The following FREM2 variants were observed in gnomAD, a reference collection of about 807,000 sequenced individuals.
FREM2 encodes the protein FRAS1-related extracellular matrix protein 2.
Under a neutral mutation model 219.9 loss-of-function variants are expected in FREM2, and 119 were observed. That is an observed-to-expected ratio of 0.54 (90% CI 0.47 to 0.63). The LOEUF (loss-of-function observed/expected upper bound fraction) is 0.63, where lower values mean the gene tolerates loss of function less well. Among genes scored for constraint, FREM2 ranks in the 30% least tolerant of loss-of-function variants. The pLI, the probability that FREM2 is intolerant of heterozygous loss-of-function variation, is 0.00. For missense variants in FREM2, 4,030 were observed against 3,993.6 expected, an observed-to-expected ratio of 1.01 and a Z score of -0.25; for synonymous variants, 1,562 against 1,522.8, an observed-to-expected ratio of 1.03 and a Z score of -0.60.
rs1303517212 is a variant in FREM2 at position 38,880,623 on chromosome 13, G to A, written c.9346G>A (p.Gly3116Arg). The A allele has an allele frequency of 1.2e-6, 2 of 1,613,814 alleles. No homozygotes were observed. Among genetic ancestry groups the A allele is most frequent in the South Asian group, 2.2e-5 (2 of 91,072 alleles). ...SSAVSLVTVV[G>R]GTTVGLLTIC... Reference sequence around the variant, plus strand: ...TGCAGTCAGCCTGGTCACTGTGGTGGGAGGCACCACGGTAGGGTTACTCAC... The same window carrying A: ...TGCAGTCAGCCTGGTCACTGTGGTGAGAGGCACCACGGTAGGGTTACTCAC... Residue 3116 changes from glycine (G) to arginine (R), a missense_variant, in exon 24 of 24, where the codon GGA becomes AGA. Physicochemically the swap from Gly to Arg is moderately radical, Grantham distance 125. Coordinates refer to ENST00000280481, the MANE Select transcript of FREM2 (RefSeq NM_207361.6).
At position 38,850,292 on chromosome 13, in the gene FREM2, G is replaced by A. The variant is rs370034032; in HGVS notation, c.6577+57G>A. On this transcript the variant is annotated intron_variant, in intron 9 of 23. Coordinates refer to ENST00000280481, the MANE Select transcript of FREM2 (RefSeq NM_207361.6). ...TTTGAAGAAGCCGAATTTTTACTCA[G>A]AAATATATATCAGGGAAATACAAGT... The A allele has an allele frequency of 2.8e-4, 383 of 1,360,094 alleles. No individual in the cohort carries two copies. In the African/African-American group the frequency reaches 4.4e-3, roughly 16 times the overall value. 84.3% of individuals were successfully genotyped at this position (1,360,094 alleles called of 1,614,324 possible).
chr13:38,745,439 C>A (rs752204723), intron 2 of FREM2, among the ~76,000 whole-genome samples: 1 of 152,074 alleles, frequency 6.6e-6, no homozygotes, highest in South Asian at 2.1e-4. Flanking sequence ...TCATCGTATA[C>A]CTCTTTATTT....
chr13:38,805,690 A>G (rs1875198131), intron 6 of FREM2, among the ~76,000 whole-genome samples: 1 of 151,952 alleles, frequency 6.6e-6, no homozygotes, highest in Admixed American at 6.6e-5. Context: ...TAAATTGAGT[A>G]TGTGAAGTGG....
chr13:38,792,782 A>C (rs1453368270), intron 6 of FREM2, among the ~76,000 whole-genome samples: 1 of 152,016 alleles, frequency 6.6e-6, no homozygotes, highest in Non-Finnish European at 1.5e-5. Flanking sequence ...ATTTTTTTTT[A>C]ATCATTCGAT....
chr13:38,780,382 T>C (rs1244292432), intron 4 of FREM2, among the ~76,000 whole-genome samples: 1 of 152,152 alleles, frequency 6.6e-6, no homozygotes, highest in Non-Finnish European at 1.5e-5. Flanking sequence ...ACCTTTATAT[T>C]CCGGCATGCA....
Position 38,716,221 on chromosome 13 carries a change from G to C in FREM2, c.5263+18434G>C, listed in dbSNP as rs569598597. On this transcript the variant is annotated intron_variant, in intron 2 of 23. Coordinates refer to ENST00000280481, the MANE Select transcript of FREM2 (RefSeq NM_207361.6). ...CACCCATGACAAAGACCTTTACAGA[G>C]GTCTACTACCTTTTCTTCACTGCTG... Among the ~76,000 whole-genome samples the C allele has an allele frequency of 1.2e-4, 19 of 152,208 alleles. No homozygotes were observed. The South Asian group carries it at 2.1e-3, about 17-fold the overall frequency.
rs1290518420 is a variant in FREM2 at position 38,839,335 on chromosome 13, C to T, written c.6020-7238C>T. 3.3e-5 allele frequency among the ~76,000 whole-genome samples: 5 copies of T among 152,358 alleles called. No individual in the cohort carries two copies. In the South Asian group the frequency reaches 8.3e-4, roughly 25 times the overall value. On this transcript the variant is annotated intron_variant, in intron 6 of 23. Transcript: ENST00000280481. ...TGCTGCCTGCTCCTTCCTCTGGAAGCTTCATCCCAGAGGGGCACCCGCCAC... is the reference window on the plus strand; with the variant it reads ...TGCTGCCTGCTCCTTCCTCTGGAAGTTTCATCCCAGAGGGGCACCCGCCAC...
intron 2 of FREM2, 152 bp from the exon 3 acceptor site, chr13:38,764,152 G>A: frequency 1.6e-6 from 1 of 634,278 alleles, no homozygotes; most frequent in East Asian, 2.7e-5. Flanking sequence ...TAGACTGTAA[G>A]CTGTATCTCC....
chr13:38,850,140 C>T lies in FREM2; in HGVS notation c.6482C>T (p.Ser2161Leu). 1 of 1,613,994 alleles carries T rather than the reference C, an allele frequency of 6.2e-7. No homozygotes were observed. Among genetic ancestry groups the T allele is most frequent in the Non-Finnish European group, 8.5e-7 (1 of 1,179,874 alleles). Residue 2161 changes from serine (S) to leucine (L), a missense_variant, in exon 9 of 24, where the codon TCA becomes TTA. Around this residue, in one of 2 missense-constraint regions of FREM2, gnomAD observed 3,102 missense variants for 2,950.7 expected, o/e 1.05. Coordinates refer to ENST00000280481, the MANE Select transcript of FREM2 (RefSeq NM_207361.6). ...ACTGGGGATGTCCAGTACAGATCTTCAGTGAGATGCTACACCCGGCAGGGG... is the reference window on the plus strand; with the variant it reads ...ACTGGGGATGTCCAGTACAGATCTTTAGTGAGATGCTACACCCGGCAGGGG... ...HRTGDVQYRS[S>L]VRCYTRQGSA...
At position 38,886,005 on chromosome 13, in the gene FREM2, C is replaced by T. The variant is rs535927607; in HGVS notation, c.*5218C>T. The T allele has an allele frequency of 3.3e-5, 5 of 152,194 alleles. No homozygotes were observed. The highest frequency in any genetic ancestry group is 3.3e-4 in the Admixed American group (5 of 15,284). The allele number at this position is 152,194 out of a possible 1,614,324, so 9.4% of individuals were successfully genotyped here. On this transcript the variant is annotated 3_prime_UTR_variant, in exon 24 of 24. Coordinates refer to ENST00000280481, the MANE Select transcript of FREM2 (RefSeq NM_207361.6). The stretch of plus-strand genomic sequence containing the variant: ...GTTCTTTTACTATGCCAAATGTTGC[C>T]TACACTGATTACATGATTGTCACAG...
rs773732247 is a variant in FREM2 at position 38,690,249 on chromosome 13, A to C, written c.2905A>C (p.Ile969Leu). 1 of 1,614,208 alleles carries C rather than the reference A, an allele frequency of 6.2e-7. No homozygotes were observed. Among genetic ancestry groups the C allele is most frequent in the Admixed American group, 1.7e-5 (1 of 60,028 alleles). ...NGATEITANV[I>L]KGTNEETDDL... ...GGCTACTGAAATCACTGCCAATGTT[A>C]TTAAGGGGACCAATGAGGAAACTGA... Residue 969 changes from isoleucine to leucine, a missense_variant, in exon 1 of 24, where the codon ATT becomes CTT. Around this residue, in one of 2 missense-constraint regions of FREM2, gnomAD observed 3,102 missense variants for 2,950.7 expected, o/e 1.05. Transcript: ENST00000280481.
intron 6 of FREM2, among the ~76,000 whole-genome samples, chr13:38,828,185 G>A (rs1039457840): frequency 3.9e-5 from 6 of 151,998 alleles, no homozygotes; most frequent in Admixed American, 2.0e-4. Context: ...TCAATTATTG[G>A]TTATTGATCT....
chr13:38,751,749 T>A (rs551771547), intron 2 of FREM2, among the ~76,000 whole-genome samples: 2 of 152,174 alleles, frequency 1.3e-5, no homozygotes, highest in Non-Finnish European at 2.9e-5. Flanking sequence ...TATGTGCTTT[T>A]CATGGACCTC....
At chr13:38,771,004 G>A (rs987152283) in intron 4 of FREM2, among the ~76,000 whole-genome samples, 5 of 152,178 alleles carry the variant, frequency 3.3e-5, no homozygotes, top group Admixed American at 1.3e-4. Context: ...ACTTTATTTT[G>A]TCAGTCAGAA....
intron 6 of FREM2, among the ~76,000 whole-genome samples, chr13:38,789,854 T>C (rs760684978): frequency 6.6e-6 from 1 of 151,416 alleles, no homozygotes; most frequent in Non-Finnish European, 1.5e-5. Context: ...TTGTTGCAGT[T>C]TTATTATTGA....
Position 38,880,278 on chromosome 13 carries a change from T to C in FREM2, c.9007-6T>C, listed in dbSNP as rs1469164220. The C allele has an allele frequency of 1.2e-6, 2 of 1,613,260 alleles. No individual in the cohort carries two copies. Among genetic ancestry groups the C allele is most frequent in the Non-Finnish European group, 1.7e-6 (2 of 1,179,832 alleles). On this transcript the variant is annotated splice_region_variant and splice_polypyrimidine_tract_variant and intron_variant, in intron 23 of 23. Coordinates refer to ENST00000280481, the MANE Select transcript of FREM2 (RefSeq NM_207361.6). Reference sequence around the variant, plus strand: ...ATTTCCTAATAAATAGAGTTGTGCTTTCTAGGTCGCTCTAGGCCGAGAATG... The same window carrying C: ...ATTTCCTAATAAATAGAGTTGTGCTCTCTAGGTCGCTCTAGGCCGAGAATG...
chr13:38,731,923 C>G (rs1381301337), intron 2 of FREM2, among the ~76,000 whole-genome samples: 1 of 152,140 alleles, frequency 6.6e-6, no homozygotes, highest in East Asian at 1.9e-4. Context: ...GAAAAGAAAT[C>G]CCATGAATGA....
chr13:38,690,033 CAG>C lies in FREM2; in HGVS notation c.2690_2691del (p.Gln897ArgfsTer8), dbSNP rs1320742111. 1.2e-6 allele frequency: 2 copies of C among 1,613,818 alleles called. No individual in the cohort carries two copies. On this transcript the variant is annotated frameshift_variant, in exon 1 of 24. Transcript: ENST00000280481. LOFTEE classifies it high-confidence loss of function. ...TCTCTTCCACTTGGAGGACATAAAA[CAG>C]GGCCGAGTTTCCTATGCCCATAATG... ...GGLFHLEDIKQGRVSYAHNGD... is the reference protein window; with the variant it reads ...GGLFHLEDIKXGRVSYAHNGD...
At position 38,884,035 on chromosome 13, in the gene FREM2, A is replaced by G. The variant is rs1396244191; in HGVS notation, c.*3248A>G. ...TCCAAGAATAACACTTAGCACATAA[A>G]CTCTTCTTCCAGCTCGTTAGCAGCA... On this transcript the variant is annotated 3_prime_UTR_variant, in exon 24 of 24. Coordinates refer to ENST00000280481, the MANE Select transcript of FREM2 (RefSeq NM_207361.6). The G allele has an allele frequency of 6.6e-6, 1 of 152,014 alleles. No individual in the cohort carries two copies. Among genetic ancestry groups the G allele is most frequent in the Non-Finnish European group, 1.5e-5 (1 of 68,014 alleles). 9.4% of individuals were successfully genotyped at this position (152,014 alleles called of 1,614,324 possible). A position where few individuals can be genotyped will look rare whatever the true frequency, so the allele number is the denominator to read the frequency against.
Sources: gnomAD v4.1 joint callset for allele counts (sites outside exome capture counted in the v4.1 genomes callset) on GRCh38, gnomAD v4.1.1 for gene constraint, gnomAD v4.1.1 regional missense constraint, MANE v1.5 for transcripts, NCBI Gene and HGNC (gene_info 2026-07-23, HGNC 2026-07-21) for gene names.